IRAK1BP1: variants seen among roughly 807,000 people sequenced by gnomAD.
IRAK1BP1 encodes the protein interleukin 1 receptor associated kinase 1 binding protein 1.
Under a neutral mutation model 28.0 loss-of-function variants are expected in IRAK1BP1, and 24 were observed. That is an observed-to-expected ratio of 0.86 (90% CI 0.62 to 1.20). The LOEUF (loss-of-function observed/expected upper bound fraction) is 1.20, where lower values mean the gene tolerates loss of function less well. Among genes scored for constraint, IRAK1BP1 ranks in the 50% most tolerant of loss-of-function variants. IRAK1BP1 has a pLI of 0.00. For missense variants in IRAK1BP1, 336 were observed against 316.7 expected, an observed-to-expected ratio of 1.06 and a Z score of -0.46; for synonymous variants, 131 against 116.3, an observed-to-expected ratio of 1.13 and a Z score of -0.81.
the IRAK1BP1 span, chr6:78,955,821 A>C: frequency 2.2e-6 from 1 of 463,894 alleles, no homozygotes; most frequent in East Asian, 3.5e-5. Context: ...TTACTCCAAT[A>C]ATTTATGCAC....
At chr6:78,869,642 G>C in intron 1 of IRAK1BP1, among the ~76,000 whole-genome samples, 1 of 152,174 alleles carries the variant, frequency 6.6e-6, no homozygotes, top group East Asian at 1.9e-4. Flanking sequence ...AAGCAGTCAG[G>C]TAGATAATTT....
intron 1 of IRAK1BP1, among the ~76,000 whole-genome samples, chr6:78,874,058 C>T (rs1381429106): frequency 6.6e-6 from 1 of 152,190 alleles, no homozygotes; most frequent in Non-Finnish European, 1.5e-5. Context: ...CATCTTCCTG[C>T]ATGATACTAA....
intron 4 of IRAK1BP1, among the ~76,000 whole-genome samples, chr6:78,933,191 A>G (rs945718163): frequency 6.6e-6 from 1 of 152,200 alleles, no homozygotes; most frequent in Non-Finnish European, 1.5e-5. Flanking sequence ...CCTTCTACCA[A>G]TATAAGGATG....
chr6:78,946,397 G>A, exon 5 of IRAK1BP1: 1 of 1,390,202 alleles, frequency 7.2e-7, no homozygotes, highest in Non-Finnish European at 9.5e-7. Context: ...GATTTCATAT[G>A]ATTGTGAGCC....
chr6:78,976,025 T>C, the IRAK1BP1 span, among the ~76,000 whole-genome samples: 3 of 151,896 alleles, frequency 2.0e-5, no homozygotes, highest in African/African-American at 7.3e-5. Context: ...AAAAAACTAC[T>C]TTAAAGTTCA....
downstream of IRAK1BP1, among the ~76,000 whole-genome samples, chr6:78,948,609 C>G (rs1265238412): frequency 6.6e-6 from 1 of 152,100 alleles, no homozygotes; most frequent in East Asian, 1.9e-4. Context: ...ACCTTCCCAC[C>G]TCAGCCTCTC....
At chr6:78,935,180 T>C (rs1773224264) in intron 4 of IRAK1BP1, among the ~76,000 whole-genome samples, 1 of 152,162 alleles carries the variant, frequency 6.6e-6, no homozygotes, top group African/African-American at 2.4e-5. Context: ...ATTAGCAGAC[T>C]TCATAAAGAA....
At chr6:78,958,532 C>G in the IRAK1BP1 span, 1 of 1,573,666 alleles carries the variant, frequency 6.4e-7, no homozygotes, top group Non-Finnish European at 8.7e-7. Flanking sequence ...AATAGGGCTT[C>G]CAGGCTCATT....
At chr6:78,897,372 G>C (rs1237875993) in intron 2 of IRAK1BP1, among the ~76,000 whole-genome samples, 1 of 151,284 alleles carries the variant, frequency 6.6e-6, no homozygotes, top group Non-Finnish European at 1.5e-5. Context: ...AAAGGCAGAA[G>C]ACAGAGTGAA....
At chr6:78,970,097 A>G in the IRAK1BP1 span, 4 of 1,613,652 alleles carry the variant, frequency 2.5e-6, 1 homozygote, top group South Asian at 4.4e-5. Flanking sequence ...AGGATCTAGA[A>G]AAGCAAGTTT....
At chr6:78,916,132 G>A (rs534501471) in intron 4 of IRAK1BP1, among the ~76,000 whole-genome samples, 1 of 152,272 alleles carries the variant, frequency 6.6e-6, no homozygotes, top group East Asian at 1.9e-4. Flanking sequence ...TGGTTATTTT[G>A]TGTACCTCCT....
chr6:78,893,185 A>G (rs1253551813), intron 2 of IRAK1BP1, among the ~76,000 whole-genome samples: 1 of 151,672 alleles, frequency 6.6e-6, no homozygotes, highest in Non-Finnish European at 1.5e-5. Context: ...TATTATCTAC[A>G]AAGGAACAAA....
At chr6:78,944,050 G>C (rs1157066265) in intron 4 of IRAK1BP1, among the ~76,000 whole-genome samples, 4 of 134,440 alleles carry the variant, frequency 3.0e-5, no homozygotes, top group African/African-American at 1.1e-4. Context: ...GCCAGGAGAA[G>C]ACTTCCTAAA....
chr6:78,947,581 T>A (rs1279519377), downstream of IRAK1BP1: 3 of 992,882 alleles, frequency 3.0e-6, no homozygotes, highest in Non-Finnish European at 4.6e-6. Context: ...CACACTCCTC[T>A]AACTTAATCT....
exon 5 of IRAK1BP1, chr6:78,945,894 C>T: frequency 1.3e-6 from 1 of 775,192 alleles, no homozygotes; most frequent in South Asian, 1.9e-5. Context: ...GCAAAAACAA[C>T]AGTGTCTGCT....
chr6:78,898,703 T>A lies in IRAK1BP1; in HGVS notation c.*369T>A, dbSNP rs1352531475. 6.6e-6 allele frequency: 1 copy of A among 151,920 alleles called. No individual in the cohort carries two copies. The highest frequency in any genetic ancestry group is 2.4e-5 in the African/African-American group (1 of 41,396). The allele number at this position is 151,920 out of a possible 1,614,324, so 9.4% of individuals were successfully genotyped here. On this transcript the variant is annotated 3_prime_UTR_variant, in exon 4 of 4. Coordinates refer to ENST00000369940, the MANE Select transcript of IRAK1BP1 (RefSeq NM_001010844.4). ...AGCTAAAATTTTCTCAGCCACATTT[T>A]TATATAAAACCAAATTTTATGTAAA...
intron 4 of IRAK1BP1, among the ~76,000 whole-genome samples, chr6:78,919,982 G>T (rs557775275): frequency 2.6e-5 from 4 of 152,204 alleles, no homozygotes; most frequent in African/African-American, 7.2e-5. Context: ...TTGGTGGGGC[G>T]TGGTGGCTTA....
chr6:78,875,993 A>G (rs990344820), intron 1 of IRAK1BP1, among the ~76,000 whole-genome samples: 7 of 152,100 alleles, frequency 4.6e-5, no homozygotes, highest in African/African-American at 1.7e-4. Flanking sequence ...AATAATTTTT[A>G]TGGCTATTGA....
intron 2 of IRAK1BP1, among the ~76,000 whole-genome samples, chr6:78,894,581 A>G (rs1295304856): frequency 6.6e-6 from 1 of 152,226 alleles, no homozygotes; most frequent in Non-Finnish European, 1.5e-5. Context: ...GAAAAATGAT[A>G]TAACTACAAG....
Sources: gnomAD v4.1 joint callset for allele counts (sites outside exome capture counted in the v4.1 genomes callset) on GRCh38, gnomAD v4.1.1 for gene constraint, MANE v1.5 for transcripts, NCBI Gene and HGNC (gene_info 2026-07-23, HGNC 2026-07-21) for gene names.